MAGEA11: variants seen among roughly 807,000 people sequenced by gnomAD.
MAGEA11 encodes melanoma-associated antigen 11.
Under a neutral mutation model 8.4 loss-of-function variants are expected in MAGEA11, and 1 was observed. That is an observed-to-expected ratio of 0.12 (90% CI 0.04 to 0.57). The LOEUF (loss-of-function observed/expected upper bound fraction) is 0.57, where lower values mean the gene tolerates loss of function less well. MAGEA11 is among the 20% of genes least tolerant of loss of function. The pLI is 0.91. For missense variants in MAGEA11, 209 were observed against 317.3 expected, an observed-to-expected ratio of 0.66 and a Z score of 2.59; for synonymous variants, 127 against 119.3, an observed-to-expected ratio of 1.06 and a Z score of -0.42.
intron 1 of MAGEA11, among the ~76,000 whole-genome samples, chrX:149,692,301 G>T (rs1351819709): frequency 2.7e-5 from 3 of 110,959 alleles, no homozygotes; most frequent in Non-Finnish European, 5.7e-5. Flanking sequence ...TGGCTATTCA[G>T]GTGGCTAAGG....
intron 1 of MAGEA11, among the ~76,000 whole-genome samples, chrX:149,690,617 T>C (rs1475615608): frequency 8.9e-6 from 1 of 112,750 alleles, no homozygotes; most frequent in African/African-American, 3.2e-5. Context: ...ACATCATACA[T>C]TGCTATTTTT....
intron 1 of MAGEA11, among the ~76,000 whole-genome samples, chrX:149,702,767 T>C (rs1466807212): frequency 8.9e-6 from 1 of 111,793 alleles, no homozygotes; most frequent in Non-Finnish European, 1.9e-5. Flanking sequence ...TTTTCAATGC[T>C]ACCTTCCTTT....
intron 1 of MAGEA11, among the ~76,000 whole-genome samples, chrX:149,689,198 G>C (rs1171505799): frequency 9.0e-6 from 1 of 111,601 alleles, no homozygotes; most frequent in African/African-American, 3.3e-5. Context: ...ATAATGTCTG[G>C]AATAGAGGAT....
chrX:149,708,377 A>G (rs2090385940), upstream of MAGEA11, among the ~76,000 whole-genome samples: 1 of 112,136 alleles, frequency 8.9e-6, no homozygotes, highest in African/African-American at 3.2e-5. Flanking sequence ...AAATCTCAGC[A>G]TCTCACAATA....
upstream of MAGEA11, among the ~76,000 whole-genome samples, chrX:149,709,842 A>C (rs1416842987): frequency 8.9e-6 from 1 of 112,137 alleles, no homozygotes; most frequent in Non-Finnish European, 1.9e-5. Flanking sequence ...TTGTTTCATC[A>C]AATTGATAGC....
intron 1 of MAGEA11, among the ~76,000 whole-genome samples, chrX:149,705,005 T>G (rs868985339): frequency 8.9e-6 from 1 of 112,814 alleles, no homozygotes; most frequent in African/African-American, 3.2e-5. Context: ...CTTTGTCCTC[T>G]GATGCTATTT....
chrX:149,703,917 CA>C (rs781792875), intron 1 of MAGEA11, among the ~76,000 whole-genome samples: 1 of 111,883 alleles, frequency 8.9e-6, no homozygotes, highest in South Asian at 3.8e-4. Context: ...TCCCATTTTA[CA>C]GATGAAAAAA....
At chrX:149,710,347 G>T (rs1557361811), upstream of MAGEA11, among the ~76,000 whole-genome samples, 1 of 112,507 alleles carries the variant, frequency 8.9e-6, no homozygotes, top group Non-Finnish European at 1.9e-5. Flanking sequence ...ACAGAATATT[G>T]CAAAGATGGC....
Position 149,691,364 on chromosome X carries a change from C to G in MAGEA11, c.9+2380C>G, listed in dbSNP as rs781905344. 4.5e-5 allele frequency among the ~76,000 whole-genome samples: 5 copies of G among 111,448 alleles called. No homozygotes were observed. In the South Asian group the frequency reaches 1.9e-3, roughly 41 times the overall value. On this transcript the variant is annotated intron_variant, in intron 1 of 3. Coordinates refer to the MAGEA11 transcript ENST00000333104. The stretch of plus-strand genomic sequence containing the variant: ...TGTGTGTTTTATCCTCATTATTGAT[C>G]CTAATTTCTGCTTTTTTACAAAATT...
upstream of MAGEA11, among the ~76,000 whole-genome samples, chrX:149,709,597 T>G (rs1485322966): frequency 8.9e-6 from 1 of 111,897 alleles, no homozygotes; most frequent in Non-Finnish European, 1.9e-5. Context: ...ACAAATATCC[T>G]AAATAAATTA....
Position 149,714,535 on chromosome X carries a change from G to A in MAGEA11, c.151G>A (p.Gly51Ser). The A allele has an allele frequency of 8.3e-7, 1 of 1,211,457 alleles. No individual in the cohort carries two copies. The highest frequency in any genetic ancestry group is 1.7e-5 in the African/African-American group (1 of 57,752). Residue 51 changes from glycine to serine, a missense_variant, in exon 3 of 5, where the codon GGT becomes AGT. Transcript: ENST00000355220. ...DFQSTERAPY[G>S]PQLQWSQDLP... is the part of the protein sequence containing the mutation. ...CCAGTCAACAGAAAGAGCCCCATAT[G>A]GTCCACAACTACAGTGGTCCCAGGA...
At chrX:149,694,231 G>T (rs1454466335) in intron 1 of MAGEA11, among the ~76,000 whole-genome samples, 1 of 112,002 alleles carries the variant, frequency 8.9e-6, no homozygotes, top group African/African-American at 3.2e-5. Flanking sequence ...TACTATTATT[G>T]TCTGTCATTT....
At chrX:149,697,974 G>A (rs144439836) in intron 1 of MAGEA11, among the ~76,000 whole-genome samples, 1,285 of 112,139 alleles carry the variant, frequency 0.011, 18 homozygotes, top group African/African-American at 0.037. Flanking sequence ...CTTCTGCCAT[G>A]ATTGTAAGTT....
In MAGEA11 at chrX:149,691,162, G is replaced by A. The variant is rs782384395; in HGVS notation, c.9+2178G>A. Among the ~76,000 whole-genome samples the A allele has an allele frequency of 1.8e-3, 203 of 109,940 alleles. 1 individual carries two copies. The highest frequency in any genetic ancestry group is 6.5e-3 in the African/African-American group (195 of 30,152). ...CCTTTATACATGTTTATTGTTTTGC[G>A]ATTTTTTTTTTAGTTTATTAGATTT... On this transcript the variant is annotated intron_variant, in intron 1 of 3. Coordinates refer to the MAGEA11 transcript ENST00000333104.
chrX:149,713,475 G>T (rs370866048), intron 2 of MAGEA11: 2 of 347,573 alleles, frequency 5.8e-6, no homozygotes, highest in South Asian at 6.8e-5. Context: ...CCCCAAGCAG[G>T]ACTCTAGGAA....
At position 149,698,012 on chromosome X, in the gene MAGEA11, CTA is replaced by C. The variant is rs1160876929; in HGVS notation, c.9+9030_9+9031del. Among the ~76,000 whole-genome samples the C allele has an allele frequency of 4.4e-5, 5 of 112,469 alleles. 1 individual carries two copies. The highest frequency in any genetic ancestry group is 2.8e-4 in the Admixed American group (3 of 10,672). On this transcript the variant is annotated intron_variant, in intron 1 of 3. Transcript: ENST00000333104. Reference sequence around the variant, plus strand: ...CTGAGTCCTCCTCAGCCACGTGGAACTATTAATCAATTAAACCTCTTTCCTGT... The same window carrying C: ...CTGAGTCCTCCTCAGCCACGTGGAACTTAATCAATTAAACCTCTTTCCTGT...
chrX:149,713,100 C>T (rs782085015), intron 1 of MAGEA11, 43 bp from the exon 2 acceptor site: 135 of 902,907 alleles, frequency 1.5e-4, no homozygotes, highest in Middle Eastern at 1.1e-3. Flanking sequence ...ACAGCCCCCC[C>T]CCATAGTCCC....
upstream of MAGEA11, among the ~76,000 whole-genome samples, chrX:149,709,361 A>G (rs781811833): frequency 1.6e-4 from 18 of 111,864 alleles, no homozygotes; most frequent in African/African-American, 5.5e-4. Context: ...CTAAAACTGT[A>G]TTCTCAGTTC....
intron 1 of MAGEA11, among the ~76,000 whole-genome samples, chrX:149,699,158 C>T (rs1238392761): frequency 8.9e-6 from 1 of 111,797 alleles, no homozygotes; most frequent in Non-Finnish European, 1.9e-5. Context: ...ACAATGTAAT[C>T]TCTACTTAAT....
Sources: allele counts gnomAD v4.1 joint callset (sites outside exome capture counted in the v4.1 genomes callset), GRCh38; gene constraint gnomAD v4.1.1; transcripts MANE v1.5; gene names NCBI Gene and HGNC (gene_info 2026-07-23, HGNC 2026-07-21).